MSH5: variants seen among roughly 807,000 people sequenced by gnomAD.
MSH5 encodes the protein mutS homolog 5, also known as mutS protein homolog 5.
In MSH5, 78 loss-of-function variants were observed where a neutral mutation model predicts 107.7. The observed-to-expected ratio is 0.72, with a 90% CI of 0.60 to 0.87. MSH5 has a LOEUF of 0.87. MSH5 is among the 40% of genes least tolerant of loss of function. MSH5 has a pLI of 0.00. For synonymous variants in MSH5, 326 were observed against 399.5 expected, an observed-to-expected ratio of 0.82 and a Z score of 2.19; for missense variants, 889 against 1,046.6, an observed-to-expected ratio of 0.85 and a Z score of 2.08.
chr6:31,759,332 C>G lies in MSH5; in HGVS notation c.1408-93C>G. 1 of 1,452,872 alleles carries G rather than the reference C, an allele frequency of 6.9e-7. No individual in the cohort carries two copies. The highest frequency in any genetic ancestry group is 9.6e-7 in the Non-Finnish European group (1 of 1,038,358). The allele number at this position is 1,452,872 out of a possible 1,614,324, so 90.0% of individuals were successfully genotyped here. On this transcript the variant is annotated intron_variant, in intron 16 of 24. Coordinates refer to ENST00000375750, the MANE Select transcript of MSH5 (RefSeq NM_172166.4). The surrounding 1 kb of genome is among the most constrained non-coding windows in gnomAD (Gnocchi z 4.7). Reference sequence around the variant, plus strand: ...GCACTGAGACAAAGGAAAGAGAAGTCAGAGTTAGGGGCTGGAGGTGGGGTT... The same window carrying G: ...GCACTGAGACAAAGGAAAGAGAAGTGAGAGTTAGGGGCTGGAGGTGGGGTT...
rs766967176 is a variant in MSH5, at chr6:31,759,893, CT to C, written c.1605del (p.Ala536ProfsTer30). 23 of 1,614,092 alleles carry C rather than the reference CT, an allele frequency of 1.4e-5. No individual in the cohort carries two copies. Among genetic ancestry groups the C allele is most frequent in the Non-Finnish European group, 1.9e-5 (22 of 1,180,044 alleles). On this transcript the variant is annotated frameshift_variant, in exon 18 of 25. Coordinates refer to ENST00000375750, the MANE Select transcript of MSH5 (RefSeq NM_172166.4). LOFTEE classifies it high-confidence loss of function. This position sits in a 1 kb window ranked among gnomAD's most constrained non-coding sequence, Gnocchi z 4.7. ...CTCCCGCCTGGACGTCCTGCTGGCT[CT>C]TGCCAGTGCTGCCCGGGACTATGGC... Reference protein sequence around the residue: ...LASRLDVLLALASAARDYGYS... With the variant: ...LASRLDVLLAXASAARDYGYS...
chr6:31,745,323 G>T lies in MSH5; in HGVS notation c.766+4G>T. The T allele has an allele frequency of 6.2e-7, 1 of 1,604,972 alleles. No individual in the cohort carries two copies. The highest frequency in any genetic ancestry group is 8.5e-7 in the Non-Finnish European group (1 of 1,172,054). On this transcript the variant is annotated splice_donor_region_variant and intron_variant, in intron 9 of 24. Coordinates refer to ENST00000375750, the MANE Select transcript of MSH5 (RefSeq NM_172166.4). ...AAGGAGGGGCTCAGCCTCTTTGGTA[G>T]GTGTGCCCCATCCCTCATCTCACAT...
At chr6:31,746,698 G>T (rs1260577997) in intron 9 of MSH5, among the ~76,000 whole-genome samples, 1 of 151,968 alleles carries the variant, frequency 6.6e-6, no homozygotes, top group Non-Finnish European at 1.5e-5. Context: ...TGATCCTCCT[G>T]CCTTGGCCTC....
At position 31,759,685 on chromosome 6, in the gene MSH5, AT is replaced by A; in HGVS notation, c.1496-99del. The A allele has an allele frequency of 1.4e-6, 2 of 1,425,794 alleles. No individual in the cohort carries two copies. Among genetic ancestry groups the A allele is most frequent in the Non-Finnish European group, 1.9e-6 (2 of 1,034,872 alleles). The allele number at this position is 1,425,794 out of a possible 1,614,324, so 88.3% of individuals were successfully genotyped here. A position where few individuals can be genotyped will look rare whatever the true frequency, so the allele number is the denominator to read the frequency against. On this transcript the variant is annotated intron_variant, in intron 17 of 24. Coordinates refer to ENST00000375750, the MANE Select transcript of MSH5 (RefSeq NM_172166.4). The surrounding 1 kb of genome is among the most constrained non-coding windows in gnomAD (Gnocchi z 4.7). ...TCCTCTGAATGTCTTGAGGTCTCAG[AT>A]TGTATCTGCAACCTGTTTCCAGATC...
At position 31,759,674 on chromosome 6, in the gene MSH5, T is replaced by C; in HGVS notation, c.1496-112T>C. The C allele has an allele frequency of 7.3e-7, 1 of 1,374,096 alleles. No individual in the cohort carries two copies. Among genetic ancestry groups the C allele is most frequent in the Non-Finnish European group, 1.0e-6 (1 of 989,036 alleles). The allele number at this position is 1,374,096 out of a possible 1,614,324, so 85.1% of individuals were successfully genotyped here. A position where few individuals can be genotyped will look rare whatever the true frequency, so the allele number is the denominator to read the frequency against. On this transcript the variant is annotated intron_variant, in intron 17 of 24. Transcript: ENST00000375750. This position sits in a 1 kb window ranked among gnomAD's most constrained non-coding sequence, Gnocchi z 4.7. The stretch of plus-strand genomic sequence containing the variant: ...ACTCTATCTTTTCCTCTGAATGTCT[T>C]GAGGTCTCAGATTGTATCTGCAACC...
chr6:31,744,544 A>G lies in MSH5; in HGVS notation c.648-2A>G. 6.2e-7 allele frequency: 1 copy of G among 1,613,452 alleles called. No individual in the cohort carries two copies. Among genetic ancestry groups the G allele is most frequent in the African/African-American group, 1.3e-5 (1 of 75,052 alleles). ...TCCTGCTTTTTTGTTTTCTGTCCTCAGGACTCATCTGGTGAACATAGATCA... is the reference window on the plus strand; with the variant it reads ...TCCTGCTTTTTTGTTTTCTGTCCTCGGGACTCATCTGGTGAACATAGATCA... On this transcript the variant is annotated splice_acceptor_variant, in intron 7 of 24. Transcript: ENST00000375750. LOFTEE classifies it high-confidence loss of function.
chr6:31,754,432 G>C (rs1810259069), intron 12 of MSH5, among the ~76,000 whole-genome samples: 2 of 152,262 alleles, frequency 1.3e-5, no homozygotes, highest in South Asian at 2.1e-4. Context: ...TTATAGGTGG[G>C]AGCCACCGTG....
At chr6:31,742,824 T>C in intron 3 of MSH5, 53 bp from the exon 4 acceptor site, 1 of 1,577,386 alleles carries the variant, frequency 6.3e-7, no homozygotes. Context: ...GGGTTTTCTC[T>C]TAGTCAAAGA....
At chr6:31,744,643 A>C in intron 8 of MSH5, 62 bp downstream of exon 8, 1 of 1,549,036 alleles carries the variant, frequency 6.5e-7, no homozygotes, top group Non-Finnish European at 8.9e-7. Flanking sequence ...TTAATGCCCC[A>C]ATAATCCTAA....
chr6:31,760,879 T>A lies in MSH5; in HGVS notation c.1962+40T>A. On this transcript the variant is annotated intron_variant, in intron 20 of 24. Coordinates refer to ENST00000375750, the MANE Select transcript of MSH5 (RefSeq NM_172166.4). This position sits in a 1 kb window ranked among gnomAD's most constrained non-coding sequence, Gnocchi z 5.6. The stretch of plus-strand genomic sequence containing the variant: ...AGGGAGGTGGGATTGAGGAAGGGGA[T>A]AATGGGAAAGGAACCCCTGAAAATG... 1 of 1,594,412 alleles carries A rather than the reference T, an allele frequency of 6.3e-7. No homozygotes were observed. Among genetic ancestry groups the A allele is most frequent in the Non-Finnish European group, 8.6e-7 (1 of 1,168,522 alleles).
chr6:31,744,540 C>A lies in MSH5; in HGVS notation c.648-6C>A. 1 of 1,613,338 alleles carries A rather than the reference C, an allele frequency of 6.2e-7. No homozygotes were observed. The highest frequency in any genetic ancestry group is 8.5e-7 in the Non-Finnish European group (1 of 1,180,000). On this transcript the variant is annotated splice_polypyrimidine_tract_variant and splice_region_variant and intron_variant, in intron 7 of 24. Transcript: ENST00000375750. ...TGCTTCCTGCTTTTTTGTTTTCTGTCCTCAGGACTCATCTGGTGAACATAG... is the reference window on the plus strand; with the variant it reads ...TGCTTCCTGCTTTTTTGTTTTCTGTACTCAGGACTCATCTGGTGAACATAG...
chr6:31,752,896 C>G (rs1287111965), intron 10 of MSH5, among the ~76,000 whole-genome samples: 3 of 152,140 alleles, frequency 2.0e-5, no homozygotes, highest in Non-Finnish European at 4.4e-5. Context: ...TGCTGTTACC[C>G]AGAGACACTT....
chr6:31,750,897 A>G (rs1035010931), intron 10 of MSH5, among the ~76,000 whole-genome samples: 3 of 152,234 alleles, frequency 2.0e-5, no homozygotes, highest in East Asian at 1.9e-4. Context: ...TTGTGGGCTC[A>G]CAAGTCCCTA....
At chr6:31,741,309 C>A in intron 3 of MSH5, 23 bp downstream of exon 3, 1 of 1,603,944 alleles carries the variant, frequency 6.2e-7, no homozygotes, top group Non-Finnish European at 8.5e-7. Flanking sequence ...CCATGAATTC[C>A]TCTGCTCTCT....
At chr6:31,756,828 A>G (rs1036742455) in intron 12 of MSH5, 1 of 151,784 alleles carries the variant, frequency 6.6e-6, no homozygotes, top group African/African-American at 2.4e-5. Context: ...TTTAGTAGAG[A>G]CAGGGTTTCA....
At position 31,742,939 on chromosome 6, in the gene MSH5, C is replaced by G. The variant is rs1025328818; in HGVS notation, c.334C>G (p.Arg112Gly). ...TSAKQDENMT[R>G]FLGKLASQEH... ...TGCCAAACAGGATGAGAATATGACT[C>G]GATTTCTGGGAAAGCTTGGTAAGGA... The change falls in exon 4 of 25, where the codon CGA becomes GGA. Residue 112 changes from arginine (R) to glycine (G), a missense_variant. Transcript: ENST00000375750. 1.2e-6 allele frequency: 2 copies of G among 1,612,722 alleles called. No individual in the cohort carries two copies. Among genetic ancestry groups the G allele is most frequent in the Non-Finnish European group, 1.7e-6 (2 of 1,180,006 alleles).
intron 12 of MSH5, chr6:31,754,108 A>AT (rs1285997995): frequency 6.5e-6 from 1 of 153,120 alleles, no homozygotes; most frequent in Admixed American, 6.4e-5. Context: ...TGTACCCACC[A>AT]TGCAGTTTCA....
Position 31,761,433 on chromosome 6 carries a change from C to T in MSH5, c.2038-39C>T. On this transcript the variant is annotated intron_variant, in intron 21 of 24. Coordinates refer to ENST00000375750, the MANE Select transcript of MSH5 (RefSeq NM_172166.4). This position sits in a 1 kb window ranked among gnomAD's most constrained non-coding sequence, Gnocchi z 5.3. ...GCAAGTGCAGAGGGGCATATGGGGT[C>T]CCCATGGCTCCGAATGCTAACCTCT... 6.2e-7 allele frequency: 1 copy of T among 1,610,852 alleles called. No individual in the cohort carries two copies. Among genetic ancestry groups the T allele is most frequent in the Non-Finnish European group, 8.5e-7 (1 of 1,179,164 alleles).
In MSH5 at chr6:31,760,835, A is replaced by C. The variant is rs1217960899; in HGVS notation, c.1958A>C (p.Asn653Thr). Residue 653 changes from asparagine (N) to threonine (T), a missense_variant, in exon 20 of 25, where the codon AAC becomes ACC. Asn to Thr is a moderately conservative substitution (Grantham distance 65, BLOSUM62 0). Coordinates refer to ENST00000375750, the MANE Select transcript of MSH5 (RefSeq NM_172166.4). This position sits in a 1 kb window ranked among gnomAD's most constrained non-coding sequence, Gnocchi z 5.6. ...CTCTCCACCTTCATGATCGACCTCA[A>C]CCAGGTCAAAGGGAACAAAGGGAGG... ...LGLSTFMIDL[N>T]QVAKAVNNAT... The C allele has an allele frequency of 6.2e-7, 1 of 1,612,528 alleles. No homozygotes were observed. Among genetic ancestry groups the C allele is most frequent in the Non-Finnish European group, 8.5e-7 (1 of 1,179,786 alleles).
Sources: gnomAD v4.1 joint callset for allele counts (sites outside exome capture counted in the v4.1 genomes callset) on GRCh38, gnomAD v4.1.1 for gene constraint, Gnocchi (gnomAD v3.1) non-coding constraint, MANE v1.5 for transcripts, NCBI Gene and HGNC (gene_info 2026-07-23, HGNC 2026-07-21) for gene names.